The following JAKMIP3 variants were observed in gnomAD, a reference collection of about 807,000 sequenced individuals.
JAKMIP3 encodes the protein Janus kinase and microtubule interacting protein 3.
A neutral mutation model predicts 118.5 loss-of-function variants in JAKMIP3; 58 were observed. That is an observed-to-expected ratio of 0.49 (90% CI 0.40 to 0.61). The LOEUF (loss-of-function observed/expected upper bound fraction) is 0.61, where lower values mean the gene tolerates loss of function less well. JAKMIP3 is among the 20% of genes least tolerant of loss of function. JAKMIP3 has a pLI of 0.00. For missense variants in JAKMIP3, 950 were observed against 1,109.0 expected, an observed-to-expected ratio of 0.86 and a Z score of 2.04; for synonymous variants, 486 against 451.2, an observed-to-expected ratio of 1.08 and a Z score of -0.98.
At chr10:132,166,834 C>T (rs2058956561) in intron 21 of JAKMIP3, 149 bp from the exon 22 acceptor site, 1 of 638,250 alleles carries the variant, frequency 1.6e-6, no homozygotes, top group South Asian at 2.0e-5. Context: ...AGCATCCCTC[C>T]CTCGGCACAG....
chr10:132,139,264 ATG>A lies in JAKMIP3; in HGVS notation c.1344+1092_1344+1093del, dbSNP rs1452838973. 1.7e-4 allele frequency among the ~76,000 whole-genome samples: 16 copies of A among 95,050 alleles called. 1 individual carries two copies. The highest frequency in any genetic ancestry group is 1.3e-3 in the Admixed American group (13 of 10,022). The allele number at this position is 95,050 out of a possible 152,430, so 62.4% of individuals were successfully genotyped here. On this transcript the variant is annotated intron_variant, in intron 9 of 23. Coordinates refer to ENST00000684848, the MANE Select transcript of JAKMIP3 (RefSeq NM_001323087.2). Reference sequence around the variant, plus strand: ...TCTGTGTGTGTATGTGTGTGTGTGTATGTGTGTACATGTGAGTGTATATGCAT... The same window carrying A: ...TCTGTGTGTGTATGTGTGTGTGTGTATGTGTACATGTGAGTGTATATGCAT...
At position 132,117,087 on chromosome 10, in the gene JAKMIP3, T is replaced by C; in HGVS notation, c.146T>C (p.Val49Ala). Residue 49 changes from valine (V) to alanine (A), a missense_variant, in exon 3 of 24, where the codon GTG becomes GCG. Coordinates refer to ENST00000684848, the MANE Select transcript of JAKMIP3 (RefSeq NM_001323087.2). This position sits in a 1 kb window ranked among gnomAD's most constrained non-coding sequence, Gnocchi z 8.6. The part of the protein sequence containing the change: ...LQQEKSKVSK[V>A]EREKNQELRQ... ...GCTGTTGTCTTTCAGGTCAGCAAAG[T>C]GGAACGCGAGAAGAACCAGGAGCTG... The C allele has an allele frequency of 1.2e-6, 2 of 1,606,122 alleles. No homozygotes were observed. Among genetic ancestry groups the C allele is most frequent in the Non-Finnish European group, 1.7e-6 (2 of 1,173,980 alleles).
chr10:132,081,858 C>T (rs2041814183), intron 1 of JAKMIP3, among the ~76,000 whole-genome samples: 1 of 152,032 alleles, frequency 6.6e-6, no homozygotes, highest in African/African-American at 2.4e-5. Context: ...CCTCATCGGC[C>T]TCATTGATTT....
At chr10:132,062,022 G>A (rs2038412240), upstream of JAKMIP3, among the ~76,000 whole-genome samples, 4 of 152,198 alleles carry the variant, frequency 2.6e-5, 1 homozygote, top group South Asian at 8.3e-4. Flanking sequence ...AAAGCCACGG[G>A]TGATGAGCCA....
At chr10:132,125,226 C>G (rs191881722) in intron 3 of JAKMIP3, among the ~76,000 whole-genome samples, 31 of 152,254 alleles carry the variant, frequency 2.0e-4, no homozygotes, top group Middle Eastern at 6.8e-3. Context: ...TTCTATAATT[C>G]GTCCGAGTTC....
At chr10:132,062,268 G>A (rs755842675), upstream of JAKMIP3, among the ~76,000 whole-genome samples, 4 of 152,222 alleles carry the variant, frequency 2.6e-5, no homozygotes, top group Middle Eastern at 3.2e-3. Context: ...GGAGACAGGC[G>A]TTCATCCTGG....
chr10:132,153,677 C>T, intron 17 of JAKMIP3, 82 bp from the exon 18 acceptor site: 8 of 1,356,256 alleles, frequency 5.9e-6, no homozygotes, highest in Non-Finnish European at 8.4e-6. Context: ...CCAGGCTGTC[C>T]TGGCTTTTCT....
intron 16 of JAKMIP3, among the ~76,000 whole-genome samples, chr10:132,150,463 GA>G (rs996572065): frequency 3.3e-5 from 5 of 152,174 alleles, no homozygotes; most frequent in African/African-American, 1.2e-4. Flanking sequence ...CAAACTCCTT[GA>G]AAGAATGTTA....
chr10:132,140,746 A>C (rs1479310467), intron 10 of JAKMIP3, among the ~76,000 whole-genome samples, 167 bp downstream of exon 10: 1 of 152,144 alleles, frequency 6.6e-6, no homozygotes, highest in Admixed American at 6.5e-5. Flanking sequence ...CCTCACTGGC[A>C]CTGACCCGCT....
upstream of JAKMIP3, among the ~76,000 whole-genome samples, chr10:132,061,382 CAT>C (rs1319119513): frequency 6.6e-6 from 1 of 152,202 alleles, no homozygotes; most frequent in Non-Finnish European, 1.5e-5. Flanking sequence ...TCGTTGAAGA[CAT>C]AAAAGAAGTC....
chr10:132,102,509 G>A (rs189442062), intron 1 of JAKMIP3, among the ~76,000 whole-genome samples: 5 of 152,306 alleles, frequency 3.3e-5, no homozygotes, highest in South Asian at 4.1e-4. Context: ...ACCCTGCCGG[G>A]CCCTTCTCCC....
chr10:132,087,313 T>C (rs903385025), intron 1 of JAKMIP3, among the ~76,000 whole-genome samples: 2 of 152,240 alleles, frequency 1.3e-5, no homozygotes. Flanking sequence ...GTCTTAACTT[T>C]AGATAACCTG....
At chr10:132,042,220 TTCC>T (rs1354552197) in intron 1 of JAKMIP3, among the ~76,000 whole-genome samples, 1 of 151,598 alleles carries the variant, frequency 6.6e-6, no homozygotes, top group African/African-American at 2.4e-5. Flanking sequence ...CCTTCCTTCT[TTCC>T]TCCTCCTCCT....
chr10:132,158,985 C>G lies in JAKMIP3; in HGVS notation c.2221-4224C>G, dbSNP rs1426646048. On this transcript the variant is annotated intron_variant, in intron 19 of 23. Transcript: ENST00000684848. Reference sequence around the variant, plus strand: ...GTGTGATGCTGGGGGGGATCTCTCGCTGTGTGATGCTGGGGGGGGGCCTCT... The same window carrying G: ...GTGTGATGCTGGGGGGGATCTCTCGGTGTGTGATGCTGGGGGGGGGCCTCT... 1.4e-4 allele frequency among the ~76,000 whole-genome samples: 8 copies of G among 58,872 alleles called. 1 individual carries two copies. The highest frequency in any genetic ancestry group is 4.7e-4 in the African/African-American group (6 of 12,660). 38.6% of individuals were successfully genotyped at this position (58,872 alleles called of 152,430 possible). A position where few individuals can be genotyped will look rare whatever the true frequency, so the allele number is the denominator to read the frequency against.
chr10:132,174,276 C>A (rs1186487462), intron 23 of JAKMIP3, among the ~76,000 whole-genome samples: 1 of 152,136 alleles, frequency 6.6e-6, no homozygotes, highest in Admixed American at 6.6e-5. Context: ...GTCAGTTTTG[C>A]CTCTTCCACA....
chr10:132,119,970 C>G (rs1472894067), intron 3 of JAKMIP3, among the ~76,000 whole-genome samples: 1 of 152,188 alleles, frequency 6.6e-6, no homozygotes, highest in African/African-American at 2.4e-5. Flanking sequence ...ATCATGTCCA[C>G]CTGTGCCCAG....
chr10:132,180,726 T>C lies in JAKMIP3; in HGVS notation c.*1104-1631T>C, dbSNP rs1381990075. ...GTGTGTGCGCGTGTGTGTGCGTGTGTGTGCGTGTGTGCGTGCGTGCGCGCG... is the reference window on the plus strand; with the variant it reads ...GTGTGTGCGCGTGTGTGTGCGTGTGCGTGCGTGTGTGCGTGCGTGCGCGCG... On this transcript the variant is annotated intron_variant, in intron 23 of 23. Transcript: ENST00000684848. Among the ~76,000 whole-genome samples, 166 of 21,116 alleles carry C rather than the reference T, an allele frequency of 7.9e-3. 26 individuals are homozygous for C. The highest frequency in any genetic ancestry group is 0.031 in the East Asian group (9 of 292). 13.9% of individuals were successfully genotyped at this position (21,116 alleles called of 152,430 possible).
In JAKMIP3 at chr10:132,112,843, T is replaced by G. The variant is rs60854698; in HGVS notation, c.136-4234T>G. On this transcript the variant is annotated intron_variant, in intron 2 of 23. Transcript: ENST00000684848. This position sits in a 1 kb window ranked among gnomAD's most constrained non-coding sequence, Gnocchi z 4.3. ...GCCGCCGCTTCTTGGTCAGCCTGCC[T>G]CTGCCTGGCTGCGAATCCCCTCTCT... Among the ~76,000 whole-genome samples the G allele has an allele frequency of 0.064, 9,681 of 152,236 alleles. 561 individuals are homozygous for G. The highest frequency in any genetic ancestry group is 0.15 in the African/African-American group (6,133 of 41,502).
intron 1 of JAKMIP3, among the ~76,000 whole-genome samples, chr10:132,093,265 A>G (rs1220153699): frequency 4.6e-5 from 7 of 152,198 alleles, no homozygotes; most frequent in African/African-American, 9.6e-5. Context: ...TTCAAACTCC[A>G]TGCTGGGAGA....
Sources: allele counts gnomAD v4.1 joint callset (sites outside exome capture counted in the v4.1 genomes callset), GRCh38; gene constraint gnomAD v4.1.1; non-coding constraint Gnocchi (gnomAD v3.1); transcripts MANE v1.5; gene names NCBI Gene and HGNC (gene_info 2026-07-23, HGNC 2026-07-21).